The following C17orf99 variants were observed in gnomAD, a reference collection of about 807,000 sequenced individuals.
C17orf99 encodes protein IL-40.
A neutral mutation model predicts 22.6 loss-of-function variants in C17orf99; 18 were observed. The observed-to-expected ratio is 0.80, with a 90% CI of 0.55 to 1.18. The LOEUF is 1.18. Among genes scored for constraint, C17orf99 ranks in the 50% most tolerant of loss-of-function variants. C17orf99 has a pLI of 0.00. For missense variants in C17orf99, 328 were observed against 342.7 expected (o/e 0.96, Z 0.34); for synonymous variants, 147 against 136.6 (o/e 1.08, Z -0.53).
intron 2 of C17orf99, among the ~76,000 whole-genome samples, chr17:78,154,843 AAAATAAAT>A (rs113698154): frequency 6.6e-5 from 10 of 152,102 alleles, no homozygotes; most frequent in African/African-American, 2.2e-4. Context: ...CTCCATCTCA[AAAATAAAT>A]AAATAAATAA....
chr17:78,149,045 C>T (rs1408725017), intron 2 of C17orf99, among the ~76,000 whole-genome samples: 3 of 151,900 alleles, frequency 2.0e-5, no homozygotes, highest in Non-Finnish European at 4.4e-5. Context: ...TGAAAGATGG[C>T]GCCAAGCCGG....
chr17:78,148,942 G>C (rs977281866), intron 2 of C17orf99, among the ~76,000 whole-genome samples: 13 of 152,266 alleles, frequency 8.5e-5, no homozygotes, highest in African/African-American at 3.1e-4. Flanking sequence ...TGGGCAATGC[G>C]GGAGAGGCAG....
intron 2 of C17orf99, among the ~76,000 whole-genome samples, chr17:78,159,510 G>C (rs1046664456): frequency 1.3e-5 from 2 of 151,254 alleles, no homozygotes; most frequent in Non-Finnish European, 2.9e-5. Context: ...GTAGTGGTGG[G>C]TGCCTGTAAT....
At position 78,146,922 on chromosome 17, in the gene C17orf99, T is replaced by C. The variant is rs1207404936; in HGVS notation, c.70+11T>C. The C allele has an allele frequency of 3.2e-6, 5 of 1,551,156 alleles. No individual in the cohort carries two copies. The Admixed American group carries it at 9.8e-5, about 30-fold the overall frequency. ...AGGCACGGGAGGAAGGTAAGTGGCA[T>C]AGCCTGCTGCAGGGAGAAGTCCCCC... is the stretch of plus-strand genomic sequence containing the variant. On this transcript the variant is annotated intron_variant, in intron 2 of 4. Coordinates refer to ENST00000340363, the MANE Select transcript of C17orf99 (RefSeq NM_001163075.2). The surrounding 1 kb of genome is among the most constrained non-coding windows in gnomAD (Gnocchi z 5.2).
At chr17:78,151,756 T>C (rs999857980) in intron 2 of C17orf99, among the ~76,000 whole-genome samples, 5 of 152,222 alleles carry the variant, frequency 3.3e-5, no homozygotes, top group Admixed American at 2.6e-4. Context: ...TTTCCAAATA[T>C]GTTCCCATGG....
In C17orf99 at chr17:78,146,975, A is replaced by C; in HGVS notation, c.70+64A>C. The C allele has an allele frequency of 1.9e-5, 27 of 1,418,670 alleles. No homozygotes were observed. Among genetic ancestry groups the C allele is most frequent in the Non-Finnish European group, 2.4e-5 (25 of 1,026,220 alleles). 87.9% of individuals were successfully genotyped at this position (1,418,670 alleles called of 1,614,324 possible). ...CTGGGACCCTGGTGTCAGAACCCCC[A>C]TGGTGGAGGGCGCCTCGGCTGGGAA... On this transcript the variant is annotated intron_variant, in intron 2 of 4. Transcript: ENST00000340363. The surrounding 1 kb of genome is among the most constrained non-coding windows in gnomAD (Gnocchi z 5.2).
chr17:78,165,064 G>C (rs2075608024), intron 4 of C17orf99: 2 of 1,052,322 alleles, frequency 1.9e-6, no homozygotes, highest in South Asian at 2.9e-5. Flanking sequence ...TTCCGAGGTG[G>C]TGGCAAGAGC....
intron 2 of C17orf99, among the ~76,000 whole-genome samples, chr17:78,149,375 G>C (rs1297342892): frequency 6.8e-6 from 1 of 147,294 alleles, no homozygotes; most frequent in Non-Finnish European, 1.5e-5. Flanking sequence ...GCCAGTCCTT[G>C]GCCCATCTGG....
chr17:78,164,907 G>A, intron 4 of C17orf99: 1 of 1,170,312 alleles, frequency 8.5e-7, no homozygotes, highest in South Asian at 1.7e-5. Flanking sequence ...GCTCCCAGGT[G>A]CCCTGTAACA....
At chr17:78,160,267 G>A (rs2075562737) in intron 2 of C17orf99, among the ~76,000 whole-genome samples, 2 of 152,146 alleles carry the variant, frequency 1.3e-5, no homozygotes, top group African/African-American at 4.8e-5. Flanking sequence ...GCCGGGCGCG[G>A]TGGCTCACGC....
At chr17:78,162,569 G>T (rs969117426) in intron 3 of C17orf99, among the ~76,000 whole-genome samples, 7 of 151,916 alleles carry the variant, frequency 4.6e-5, no homozygotes, top group African/African-American at 1.7e-4. Context: ...CGGGTCCAAG[G>T]TTCAAATCCC....
In C17orf99 at chr17:78,165,920, TC is replaced by T; in HGVS notation, c.676del (p.Leu226TrpfsTer17). On this transcript the variant is annotated frameshift_variant, in exon 5 of 5. Transcript: ENST00000340363. LOFTEE classifies it low-confidence loss of function (END_TRUNC). ...GDQKMEDWQGPLESPILALPL... is the reference protein window; with the variant it reads ...GDQKMEDWQGXLESPILALPL... ...ACCAGAAGATGGAGGACTGGCAGGG[TC>T]CCCTGGAGAGCCCCATCCTTGCCTT... 4 of 1,401,548 alleles carry T rather than the reference TC, an allele frequency of 2.9e-6. No homozygotes were observed. The highest frequency in any genetic ancestry group is 3.4e-5 in the South Asian group (2 of 58,890). The allele number at this position is 1,401,548 out of a possible 1,614,324, so 86.8% of individuals were successfully genotyped here. A position where few individuals can be genotyped will look rare whatever the true frequency, so the allele number is the denominator to read the frequency against.
chr17:78,162,966 GTAGACA>G (rs1242304377), intron 3 of C17orf99, among the ~76,000 whole-genome samples: 1 of 152,114 alleles, frequency 6.6e-6, no homozygotes, highest in Non-Finnish European at 1.5e-5. Flanking sequence ...TGTATTTTTA[GTAGACA>G]CGGGGTTTCA....
Position 78,165,063 on chromosome 17 carries a change from G to A in C17orf99, c.640+699G>A, listed in dbSNP as rs2075607996. On this transcript the variant is annotated intron_variant, in intron 4 of 4. Coordinates refer to ENST00000340363, the MANE Select transcript of C17orf99 (RefSeq NM_001163075.2). ...CCACCTTGGGCAGTCTTTCCGAGGT[G>A]GTGGCAAGAGCCTGGGGCCCAGCCT... 9.5e-6 allele frequency: 10 copies of A among 1,053,774 alleles called. No homozygotes were observed. The South Asian group carries it at 2.6e-4, about 28-fold the overall frequency. 65.3% of individuals were successfully genotyped at this position (1,053,774 alleles called of 1,614,324 possible).
chr17:78,148,664 C>A (rs984560253), intron 2 of C17orf99, among the ~76,000 whole-genome samples: 8 of 152,016 alleles, frequency 5.3e-5, no homozygotes, highest in African/African-American at 1.9e-4. Flanking sequence ...AGCAAGGACC[C>A]GAAGGAGCCG....
chr17:78,152,399 A>G (rs4470212), intron 2 of C17orf99, among the ~76,000 whole-genome samples: 34,740 of 150,636 alleles, frequency 0.23, 4,314 homozygotes, highest in South Asian at 0.32. Flanking sequence ...CAGTGGTGCA[A>G]TCTTGGCTCG....
In C17orf99 at chr17:78,154,924, T is replaced by C. The variant is rs1247187922; in HGVS notation, c.71-6031T>C. Reference sequence around the variant, plus strand: ...AGGGGCACAGATGAGAAAATAATTGTTGGTGTCTGTGCAGCCCTGGGCAGG... The same window carrying C: ...AGGGGCACAGATGAGAAAATAATTGCTGGTGTCTGTGCAGCCCTGGGCAGG... On this transcript the variant is annotated intron_variant, in intron 2 of 4. Transcript: ENST00000340363. Among the ~76,000 whole-genome samples the C allele has an allele frequency of 1.8e-4, 27 of 152,098 alleles. 1 individual carries two copies. The highest frequency in any genetic ancestry group is 1.8e-3 in the Admixed American group (27 of 15,234).
rs377414606 is a variant in C17orf99 at position 78,149,188 on chromosome 17, C to T, written c.70+2277C>T. The stretch of plus-strand genomic sequence containing the variant: ...CTCTAATGAAAATACAAAAATTAGC[C>T]GGGCGTGGTGGCGCACGTCTGTAAT... On this transcript the variant is annotated intron_variant, in intron 2 of 4. Coordinates refer to ENST00000340363, the MANE Select transcript of C17orf99 (RefSeq NM_001163075.2). Among the ~76,000 whole-genome samples, 14 of 151,730 alleles carry T rather than the reference C, an allele frequency of 9.2e-5. 2 individuals are homozygous for T. The highest frequency in any genetic ancestry group is 2.0e-4 in the Admixed American group (3 of 15,240).
chr17:78,158,246 C>T (rs1598948499), intron 2 of C17orf99: 3 of 569,168 alleles, frequency 5.3e-6, no homozygotes, highest in East Asian at 8.2e-5. Context: ...AGGCCCCCTC[C>T]CCCAGGCTGG....
Sources: gnomAD v4.1 joint callset for allele counts (sites outside exome capture counted in the v4.1 genomes callset) on GRCh38, gnomAD v4.1.1 for gene constraint, Gnocchi (gnomAD v3.1) non-coding constraint, MANE v1.5 for transcripts, NCBI Gene and HGNC (gene_info 2026-07-23, HGNC 2026-07-21) for gene names.